INPP5B: variants seen among roughly 807,000 people sequenced by gnomAD.
INPP5B encodes the protein type II inositol 1,4,5-trisphosphate 5-phosphatase.
INPP5B carries 90 observed loss-of-function variants against 118.5 expected under a neutral mutation model. The ratio of observed to expected loss-of-function variants is 0.76; its 90% confidence interval spans 0.64 to 0.90. The LOEUF (loss-of-function observed/expected upper bound fraction) is 0.90, where lower values mean the gene tolerates loss of function less well. Ranked by LOEUF, INPP5B falls within the 40% of genes least tolerant of loss-of-function variation. INPP5B has a pLI of 0.00. For synonymous variants in INPP5B, 385 were observed against 418.9 expected (o/e 0.92, Z 0.99); for missense variants, 984 against 1,125.6 (o/e 0.87, Z 1.80).
intron 7 of INPP5B, among the ~76,000 whole-genome samples, chr1:37,927,042 A>G (rs1423608420): frequency 6.6e-6 from 1 of 152,186 alleles, no homozygotes; most frequent in Non-Finnish European, 1.5e-5. Flanking sequence ...TAATCTCAGC[A>G]CTTTGGGAGG....
intron 7 of INPP5B, among the ~76,000 whole-genome samples, chr1:37,900,520 C>T (rs9329571): frequency 0.11 from 16,853 of 151,262 alleles, 1,341 homozygotes; most frequent in East Asian, 0.27. Context: ...CTCAAAGTGC[C>T]GGGATTACAG....
chr1:37,900,261 G>T (rs1485222089), intron 7 of INPP5B, among the ~76,000 whole-genome samples: 12 of 137,138 alleles, frequency 8.8e-5, no homozygotes, highest in East Asian at 2.1e-4. Flanking sequence ...TTTGTTTTCG[G>T]TTTTTTTTTT....
intron 6 of INPP5B, among the ~76,000 whole-genome samples, chr1:37,937,639 C>T (rs1030613490): frequency 2.2e-4 from 33 of 151,688 alleles, no homozygotes; most frequent in Non-Finnish European, 3.2e-4. Context: ...TGGTGGCATG[C>T]GCCTGTAGTC....
At position 37,895,232 on chromosome 1, in the gene INPP5B, T is replaced by C. The variant is rs1206036787; in HGVS notation, c.533-3778A>G. ...GACTCTCATCCATTGATAGTAGGCATGGAAAATCATACAGACACTTTGGAA... is the reference window on the plus strand; with the variant it reads ...GACTCTCATCCATTGATAGTAGGCACGGAAAATCATACAGACACTTTGGAA... On this transcript the variant is annotated intron_variant, in intron 7 of 23. Transcript: ENST00000373024. Among the ~76,000 whole-genome samples the C allele has an allele frequency of 2.0e-5, 3 of 152,182 alleles. No individual in the cohort carries two copies. In the East Asian group the frequency reaches 5.8e-4, roughly 29 times the overall value.
chr1:37,877,505 A>G (rs1642917050), intron 16 of INPP5B, among the ~76,000 whole-genome samples: 1 of 152,254 alleles, frequency 6.6e-6, no homozygotes, highest in African/African-American at 2.4e-5. Flanking sequence ...AAACTTATAC[A>G]TGGTTGGTAG....
intron 18 of INPP5B, 179 bp from the exon 19 acceptor site, chr1:37,873,344 T>C (rs907150531): frequency 2.2e-5 from 13 of 597,022 alleles, no homozygotes; most frequent in African/African-American, 2.0e-4. Context: ...AAAGAGTTTA[T>C]AGTCCAACTG....
intron 7 of INPP5B, among the ~76,000 whole-genome samples, chr1:37,896,981 TG>T (rs1363716421): frequency 1.1e-5 from 1 of 90,166 alleles, no homozygotes; most frequent in Non-Finnish European, 2.5e-5. Flanking sequence ...GGGAGGGAGG[TG>T]GGGGGGTCAG....
At chr1:37,863,213 TAAAA>T (rs869054961) in intron 23 of INPP5B, among the ~76,000 whole-genome samples, 3 of 128,310 alleles carry the variant, frequency 2.3e-5, no homozygotes, top group Admixed American at 7.6e-5. Context: ...CACTGCCCTT[TAAAA>T]AAAAAAAAAA....
chr1:37,944,675 C>T (rs1410189554), intron 3 of INPP5B, among the ~76,000 whole-genome samples: 1 of 151,454 alleles, frequency 6.6e-6, no homozygotes. Context: ...TCAAACTCCT[C>T]GGCTCATGTG....
At chr1:37,928,346 G>GT (rs1042355767) in intron 7 of INPP5B, among the ~76,000 whole-genome samples, 6 of 151,434 alleles carry the variant, frequency 4.0e-5, no homozygotes, top group African/African-American at 1.5e-4. Context: ...GCTAAGTTCT[G>GT]TTTTTTTGGG....
At chr1:37,866,347 A>G in intron 21 of INPP5B, 112 bp downstream of exon 21, 1 of 644,306 alleles carries the variant, frequency 1.6e-6, no homozygotes, top group Admixed American at 2.5e-5. Context: ...ATTTTGAGCC[A>G]TAAAATACTT....
intron 7 of INPP5B, among the ~76,000 whole-genome samples, chr1:37,925,786 G>T (rs1237169610): frequency 6.6e-6 from 1 of 152,142 alleles, no homozygotes; most frequent in Non-Finnish European, 1.5e-5. Context: ...TCTTTAGGGG[G>T]TTCTCTTGTA....
At chr1:37,924,067 T>C (rs909875297) in intron 7 of INPP5B, among the ~76,000 whole-genome samples, 4 of 150,254 alleles carry the variant, frequency 2.7e-5, no homozygotes, top group African/African-American at 9.8e-5. Flanking sequence ...CCTGAGCCAC[T>C]GTGCCCAGCC....
intron 3 of INPP5B, among the ~76,000 whole-genome samples, chr1:37,944,897 G>C (rs116798322): frequency 0.021 from 3,182 of 152,226 alleles, 101 homozygotes; most frequent in African/African-American, 0.073. Flanking sequence ...GGAATTACAA[G>C]CATGAGCTAC....
intron 23 of INPP5B, among the ~76,000 whole-genome samples, chr1:37,863,852 T>C (rs913444698): frequency 1.4e-5 from 2 of 143,464 alleles, no homozygotes; most frequent in African/African-American, 2.6e-5. Context: ...TCTCACTCTG[T>C]CGCCCAGGCT....
intron 7 of INPP5B, among the ~76,000 whole-genome samples, chr1:37,924,723 A>G (rs923758162): frequency 3.9e-5 from 6 of 151,954 alleles, no homozygotes; most frequent in Admixed American, 1.3e-4. Flanking sequence ...CCTGGGCAAC[A>G]CAGGGAGATC....
intron 23 of INPP5B, among the ~76,000 whole-genome samples, chr1:37,863,432 T>C (rs1019428646): frequency 6.6e-6 from 1 of 152,100 alleles, no homozygotes. Flanking sequence ...GGAGAATTGC[T>C]TGAACCCGGG....
intron 19 of INPP5B, among the ~76,000 whole-genome samples, chr1:37,872,555 C>G (rs1012394866): frequency 6.6e-6 from 1 of 151,598 alleles, no homozygotes; most frequent in Admixed American, 6.6e-5. Flanking sequence ...ACTGAGCTAG[C>G]CTTCTGAATG....
In INPP5B at chr1:37,889,541, G is replaced by GA; in HGVS notation, c.797+15dup. 1 of 1,604,410 alleles carries GA rather than the reference G, an allele frequency of 6.2e-7. No individual in the cohort carries two copies. The highest frequency in any genetic ancestry group is 8.5e-7 in the Non-Finnish European group (1 of 1,174,098). On this transcript the variant is annotated intron_variant, in intron 9 of 23. Transcript: ENST00000373024. ...ATCATTCTGCTCTGAAAACATCCTA[G>GA]AACCCAGTTAGCTACCTGAAGTTCT...
Sources: gnomAD v4.1 joint callset for allele counts (sites outside exome capture counted in the v4.1 genomes callset) on GRCh38, gnomAD v4.1.1 for gene constraint, MANE v1.5 for transcripts, NCBI Gene and HGNC (gene_info 2026-07-23, HGNC 2026-07-21) for gene names.